Variants in RGPD4 observed in about 807,000 individuals in gnomAD.
The protein encoded by RGPD4 is RANBP2 like and GRIP domain containing 4.
In RGPD4, 84 loss-of-function variants were observed where a neutral mutation model predicts 141.1. The ratio of observed to expected loss-of-function variants is 0.60; its 90% confidence interval spans 0.50 to 0.71. The LOEUF (loss-of-function observed/expected upper bound fraction) is 0.71, where lower values mean the gene tolerates loss of function less well. Among genes scored for constraint, RGPD4 ranks in the 30% least tolerant of loss-of-function variants. The probability of loss-of-function intolerance (pLI) is 0.00; values close to 1 mark genes in which losing one functional copy is unlikely to be tolerated. For missense variants in RGPD4, 918 were observed against 1,622.4 expected (o/e 0.57, Z 7.46); for synonymous variants, 298 against 566.8 (o/e 0.53, Z 6.74).
intron 1 of RGPD4, among the ~76,000 whole-genome samples, chr2:107,827,360 T>C (rs112436213): frequency 0.08 from 1,627 of 20,324 alleles, 286 homozygotes; most frequent in African/African-American, 0.11. Flanking sequence ...TCAGGCGTCA[T>C]GCCTCCCGAC....
rs1377253907 is a variant in RGPD4, at chr2:107,872,243, A to C, written c.4239A>C (p.Pro1413=). Residue 1413 remains proline, a synonymous_variant, in exon 20 of 23, where the codon CCA becomes CCC. Transcript: ENST00000408999. The stretch of plus-strand genomic sequence containing the variant: ...TTTGTGCCAATCACACAATAACTCC[A>C]GACATGAGTTTGCAAAATATGAAAG... ...LKLCANHTIT[P]DMSLQNMKGT... is the part of the protein sequence containing the mutation. The C allele has an allele frequency of 6.2e-7, 1 of 1,611,540 alleles. No homozygotes were observed. Among genetic ancestry groups the C allele is most frequent in the African/African-American group, 1.3e-5 (1 of 74,560 alleles).
chr2:107,854,054 CTTT>C (rs1052579812), intron 7 of RGPD4, among the ~76,000 whole-genome samples: 10 of 125,894 alleles, frequency 7.9e-5, no homozygotes, highest in Non-Finnish European at 8.2e-5. Flanking sequence ...TGGCCCCTCT[CTTT>C]TTTTTTTTTT....
chr2:107,847,274 A>G (rs1418208484), intron 6 of RGPD4, among the ~76,000 whole-genome samples: 2 of 143,018 alleles, frequency 1.4e-5, no homozygotes, highest in African/African-American at 2.7e-5. Flanking sequence ...AGCTCTACAT[A>G]CATGAGAAAA....
intron 1 of RGPD4, among the ~76,000 whole-genome samples, chr2:107,828,510 C>CGGG (rs1285822089): frequency 1.7e-5 from 2 of 114,618 alleles, no homozygotes; most frequent in Admixed American, 8.1e-5. Flanking sequence ...TCGACCCGGC[C>CGGG]CGGCGGCGGC....
rs539760956 is a variant in RGPD4 at position 107,844,509 on chromosome 2, G to A, written c.782+779G>A. ...CTCCTTTTTGTAGAAAAAGTTTACT[G>A]ATTGCTAGTTTAGGCTGTCCATTTG... On this transcript the variant is annotated intron_variant, in intron 6 of 22. Transcript: ENST00000408999. 8.3e-4 allele frequency among the ~76,000 whole-genome samples: 126 copies of A among 152,196 alleles called. 1 individual carries two copies. The highest frequency in any genetic ancestry group is 3.4e-3 in the Middle Eastern group (1 of 294).
At chr2:107,887,396 C>G (rs565950185) in intron 22 of RGPD4, among the ~76,000 whole-genome samples, 2,120 of 152,208 alleles carry the variant, frequency 0.014, 14 homozygotes, top group Admixed American at 0.02. Flanking sequence ...AAATACCTGA[C>G]TGTATCATCA....
chr2:107,881,928 T>A (rs939582043), intron 21 of RGPD4, among the ~76,000 whole-genome samples: 4 of 151,914 alleles, frequency 2.6e-5, no homozygotes, highest in African/African-American at 9.7e-5. Context: ...ACGTCTTAAC[T>A]GCCTGGGACT....
At chr2:107,833,220 G>A (rs1404105032) in intron 1 of RGPD4, among the ~76,000 whole-genome samples, 1 of 151,120 alleles carries the variant, frequency 6.6e-6, no homozygotes, top group Non-Finnish European at 1.5e-5. Context: ...GTGACAGAGC[G>A]AGACTCCGTT....
chr2:107,885,353 T>C (rs1259088329), intron 22 of RGPD4, among the ~76,000 whole-genome samples: 2 of 152,238 alleles, frequency 1.3e-5, no homozygotes, highest in Non-Finnish European at 2.9e-5. Flanking sequence ...TTTTCAATAG[T>C]TTTCAATACA....
At chr2:107,887,139 G>A (rs1306389519) in intron 22 of RGPD4, among the ~76,000 whole-genome samples, 1 of 151,430 alleles carries the variant, frequency 6.6e-6, no homozygotes, top group Non-Finnish European at 1.5e-5. Context: ...CTACTCGGGA[G>A]GCTAAGGCAG....
chr2:107,885,805 C>A (rs1675495397), intron 22 of RGPD4, among the ~76,000 whole-genome samples: 1 of 151,916 alleles, frequency 6.6e-6, no homozygotes, highest in Non-Finnish European at 1.5e-5. Flanking sequence ...TGTAATCCAG[C>A]ACTTTGGGAG....
At chr2:107,847,110 T>C (rs1194912985) in intron 6 of RGPD4, among the ~76,000 whole-genome samples, 22 of 147,410 alleles carry the variant, frequency 1.5e-4, no homozygotes, top group Non-Finnish European at 2.7e-4. Flanking sequence ...GGCATGTTGG[T>C]ACGCGCCTAT....
At chr2:107,876,816 G>T (rs1477879310) in intron 20 of RGPD4, among the ~76,000 whole-genome samples, 7 of 152,028 alleles carry the variant, frequency 4.6e-5, no homozygotes, top group East Asian at 1.9e-4. Context: ...CAGGGCAAAG[G>T]TCGCACAAGA....
chr2:107,885,198 T>C (rs1332445294), intron 22 of RGPD4, among the ~76,000 whole-genome samples: 1 of 151,974 alleles, frequency 6.6e-6, no homozygotes, highest in Non-Finnish European at 1.5e-5. Flanking sequence ...ATTTTATAGT[T>C]ATAAAAAAGA....
chr2:107,881,253 A>G (rs1219729103), intron 21 of RGPD4, among the ~76,000 whole-genome samples: 1 of 150,652 alleles, frequency 6.6e-6, no homozygotes, highest in African/African-American at 2.5e-5. Flanking sequence ...CCCACTAATA[A>G]AAACATTATC....
intron 22 of RGPD4, among the ~76,000 whole-genome samples, chr2:107,883,360 G>T (rs1412734100): frequency 6.6e-6 from 1 of 151,558 alleles, no homozygotes; most frequent in Non-Finnish European, 1.5e-5. Context: ...GCCAGGCGCT[G>T]GTGGTTCATG....
chr2:107,857,820 C>T (rs61508792), intron 9 of RGPD4, among the ~76,000 whole-genome samples: 1 of 150,976 alleles, frequency 6.6e-6, no homozygotes, highest in African/African-American at 2.4e-5. Context: ...GGTGAAACCC[C>T]GTCTCTACTA....
In RGPD4 at chr2:107,890,909, G is replaced by C. The variant is rs1369709671; in HGVS notation, c.*178G>C. On this transcript the variant is annotated 3_prime_UTR_variant, in exon 23 of 23. Transcript: ENST00000408999. ...TATATGTTTGCATTTACATATATTTGTACATCTATATGACAGATGTATTTT... is the reference window on the plus strand; with the variant it reads ...TATATGTTTGCATTTACATATATTTCTACATCTATATGACAGATGTATTTT... 4 of 658,146 alleles carry C rather than the reference G, an allele frequency of 6.1e-6. No homozygotes were observed. Among genetic ancestry groups the C allele is most frequent in the African/African-American group, 5.6e-5 (3 of 53,804 alleles). 40.8% of individuals were successfully genotyped at this position (658,146 alleles called of 1,614,324 possible).
intron 8 of RGPD4, among the ~76,000 whole-genome samples, 158 bp downstream of exon 8, chr2:107,854,801 AG>A (rs1246529183): frequency 6.6e-6 from 1 of 152,050 alleles, no homozygotes; most frequent in Non-Finnish European, 1.5e-5. Context: ...AGAGATGCGA[AG>A]AAATAGCACA....
Sources: gnomAD v4.1 joint callset for allele counts (sites outside exome capture counted in the v4.1 genomes callset) on GRCh38, gnomAD v4.1.1 for gene constraint, MANE v1.5 for transcripts, NCBI Gene and HGNC (gene_info 2026-07-23, HGNC 2026-07-21) for gene names.